Variants in ZNF787 observed in about 807,000 individuals in gnomAD.
ZNF787 encodes the protein TTF-I-interacting peptide 20.
Under a neutral mutation model 16.9 loss-of-function variants are expected in ZNF787, and 7 were observed. That is an observed-to-expected ratio of 0.42 (90% CI 0.24 to 0.78). The LOEUF is 0.78. Among genes scored for constraint, ZNF787 ranks in the 30% least tolerant of loss-of-function variants. The pLI is 0.30. For missense variants in ZNF787, 551 were observed against 589.3 expected, an observed-to-expected ratio of 0.94 and a Z score of 0.67; for synonymous variants, 345 against 270.9, an observed-to-expected ratio of 1.27 and a Z score of -2.69.
rs536339818 is a variant in ZNF787 at position 56,092,381 on chromosome 19, T to TG, written c.80-3290dup. Among the ~76,000 whole-genome samples the TG allele has an allele frequency of 2.3e-3, 344 of 152,180 alleles. 1 individual carries two copies. Among genetic ancestry groups the TG allele is most frequent in the Non-Finnish European group, 3.8e-3 (258 of 67,992 alleles). Reference sequence around the variant, plus strand: ...CAGCTGAGGTCCCGAGGGGATGGGCTGGGGGGCGGTCCTCCACTCCAGATC... The same window carrying TG: ...CAGCTGAGGTCCCGAGGGGATGGGCTGGGGGGGCGGTCCTCCACTCCAGATC... On this transcript the variant is annotated intron_variant, in intron 2 of 2. Transcript: ENST00000610935.
chr19:56,087,811 G>C lies in ZNF787; in HGVS notation c.*212C>G. On this transcript the variant is annotated 3_prime_UTR_variant, in exon 3 of 3. Coordinates refer to ENST00000610935, the MANE Select transcript of ZNF787 (RefSeq NM_001002836.4). ...CTTAGGAAGGGCGGGCCAGGCTGAG[G>C]GGGCAGAGTCTCGAGGCGGAGAAGT... The C allele has an allele frequency of 5.3e-6, 4 of 748,830 alleles. No homozygotes were observed. Among genetic ancestry groups the C allele is most frequent in the Non-Finnish European group, 7.2e-6 (4 of 553,884 alleles). The allele number at this position is 748,830 out of a possible 1,614,324, so 46.4% of individuals were successfully genotyped here. A position where few individuals can be genotyped will look rare whatever the true frequency, so the allele number is the denominator to read the frequency against.
intron 1 of ZNF787, among the ~76,000 whole-genome samples, chr19:56,118,489 C>T (rs542746206): frequency 1.3e-5 from 2 of 152,300 alleles, no homozygotes; most frequent in South Asian, 2.1e-4. Context: ...GCTCTGGAAT[C>T]GCAGTAGACA....
chr19:56,095,342 T>C (rs566996029), intron 2 of ZNF787, among the ~76,000 whole-genome samples: 1 of 152,352 alleles, frequency 6.6e-6, no homozygotes, highest in South Asian at 2.1e-4. Flanking sequence ...CTTGATCTTG[T>C]TGGGATGCAC....
At chr19:56,103,035 G>A in intron 2 of ZNF787, 104 bp downstream of exon 2, 1 of 1,338,504 alleles carries the variant, frequency 7.5e-7, no homozygotes. Context: ...AGGGCCCCAA[G>A]AGGGGAAAAC....
At chr19:56,115,330 G>A (rs529760159) in intron 1 of ZNF787, among the ~76,000 whole-genome samples, 2 of 151,750 alleles carry the variant, frequency 1.3e-5, no homozygotes, top group African/African-American at 2.4e-5. Flanking sequence ...TCTAGAGGCC[G>A]GCCGCGGCAC....
intron 1 of ZNF787, among the ~76,000 whole-genome samples, chr19:56,108,262 C>A: frequency 6.7e-6 from 1 of 150,148 alleles, no homozygotes; most frequent in East Asian, 2.0e-4. Context: ...CTGCCCAGCA[C>A]TCCCTGGCTC....
rs1001550900 is a variant in ZNF787 at position 56,103,088 on chromosome 19, G to C, written c.79+51C>G. 2.5e-6 allele frequency: 4 copies of C among 1,592,728 alleles called. No individual in the cohort carries two copies. In the Admixed American group the frequency reaches 5.0e-5, roughly 20 times the overall value. On this transcript the variant is annotated intron_variant, in intron 2 of 2. Coordinates refer to ENST00000610935, the MANE Select transcript of ZNF787 (RefSeq NM_001002836.4). ...TCCCACCCAGAGGCAAAGGAAGCCAGGGTCAGGTGGGAGGCAGCGGGGTCG... is the reference window on the plus strand; with the variant it reads ...TCCCACCCAGAGGCAAAGGAAGCCACGGTCAGGTGGGAGGCAGCGGGGTCG...
intron 1 of ZNF787, among the ~76,000 whole-genome samples, chr19:56,110,928 T>G (rs997749230): frequency 1.3e-5 from 2 of 152,174 alleles, no homozygotes; most frequent in Non-Finnish European, 2.9e-5. Flanking sequence ...CCTGCTGTGG[T>G]TATAGCTGGG....
At chr19:56,098,997 G>A (rs1343654830) in intron 2 of ZNF787, among the ~76,000 whole-genome samples, 2 of 152,200 alleles carry the variant, frequency 1.3e-5, no homozygotes, top group Non-Finnish European at 2.9e-5. Context: ...GTGTGGCCAG[G>A]ACGTCACAGC....
intron 2 of ZNF787, among the ~76,000 whole-genome samples, chr19:56,096,772 C>G (rs1017163152): frequency 6.6e-6 from 1 of 152,062 alleles, no homozygotes; most frequent in Non-Finnish European, 1.5e-5. Flanking sequence ...TGAGGGTGCA[C>G]TGAAACATGG....
intron 1 of ZNF787, among the ~76,000 whole-genome samples, chr19:56,112,384 G>A (rs2030005248): frequency 6.6e-6 from 1 of 152,310 alleles, no homozygotes; most frequent in Admixed American, 6.5e-5. Flanking sequence ...GACCTCCGCT[G>A]CAGAGAGGAA....
At chr19:56,092,351 G>T (rs1459100058) in intron 2 of ZNF787, among the ~76,000 whole-genome samples, 1 of 152,106 alleles carries the variant, frequency 6.6e-6, no homozygotes, top group African/African-American at 2.4e-5. Flanking sequence ...TCTCACTGAA[G>T]GACTCAGCTG....
At chr19:56,089,881 C>A (rs973523435) in intron 2 of ZNF787, among the ~76,000 whole-genome samples, 1 of 152,140 alleles carries the variant, frequency 6.6e-6, no homozygotes, top group Non-Finnish European at 1.5e-5. Flanking sequence ...GGGGCTCTCC[C>A]GGGAGGGATG....
Position 56,088,230 on chromosome 19 carries a change from C to T in ZNF787, c.942G>A (p.Glu314=). The change falls in exon 3 of 3, where the codon GAG becomes GAA. Residue 314 remains glutamate, a synonymous_variant. Coordinates refer to ENST00000610935, the MANE Select transcript of ZNF787 (RefSeq NM_001002836.4). The surrounding 1 kb of genome is among the most constrained non-coding windows in gnomAD (Gnocchi z 8.6). Reference sequence around the variant, plus strand: ...CGCACTCCACGCAGATGTGGGCCGGCTCCTCGCCCCCCGCCGCCCCGAGCC... The same window carrying T: ...CGCACTCCACGCAGATGTGGGCCGGTTCCTCGCCCCCCGCCGCCCCGAGCC... The part of the protein sequence containing the change: ...GDGLGAAGGE[E]PAHICVECGE... The T allele has an allele frequency of 6.0e-6, 9 of 1,497,242 alleles. No individual in the cohort carries two copies. Among genetic ancestry groups the T allele is most frequent in the Non-Finnish European group, 7.1e-6 (8 of 1,128,774 alleles). 92.7% of individuals were successfully genotyped at this position (1,497,242 alleles called of 1,614,324 possible).
Position 56,088,963 on chromosome 19 carries a change from T to C in ZNF787, c.209A>G (p.Glu70Gly). ...CCAGTGGCTAAAGCTCTTGCCACAC[T>C]CGTTGCAGATGTAGGGGGCGGGCGG... ...PRPPAPYICN[E>G]CGKSFSHWSK... The change falls in exon 3 of 3, where the codon GAG becomes GGG. Residue 70 changes from glutamate to glycine, a missense_variant. Glu to Gly is a moderately conservative substitution (Grantham distance 98). Coordinates refer to ENST00000610935, the MANE Select transcript of ZNF787 (RefSeq NM_001002836.4). This position sits in a 1 kb window ranked among gnomAD's most constrained non-coding sequence, Gnocchi z 8.6. 6.5e-7 allele frequency: 1 copy of C among 1,542,498 alleles called. No homozygotes were observed. The highest frequency in any genetic ancestry group is 1.2e-5 in the South Asian group (1 of 81,206).
At chr19:56,102,851 T>C (rs866575787) in intron 2 of ZNF787, 3 of 695,912 alleles carry the variant, frequency 4.3e-6, no homozygotes, top group Non-Finnish European at 7.9e-6. Flanking sequence ...CAGACGGGGG[T>C]GCTGCCCAGG....
At chr19:56,112,478 T>C (rs2030008922) in intron 1 of ZNF787, among the ~76,000 whole-genome samples, 1 of 152,070 alleles carries the variant, frequency 6.6e-6, no homozygotes, top group Non-Finnish European at 1.5e-5. Flanking sequence ...TTATTATTGT[T>C]GTTATTAAGT....
chr19:56,105,705 C>T (rs1164243300), intron 1 of ZNF787, among the ~76,000 whole-genome samples: 1 of 152,106 alleles, frequency 6.6e-6, no homozygotes, highest in South Asian at 2.1e-4. Flanking sequence ...CACCCCAGGG[C>T]CCACACTTCT....
intron 2 of ZNF787, among the ~76,000 whole-genome samples, chr19:56,089,554 G>A (rs868074769): frequency 1.8e-4 from 27 of 152,316 alleles, no homozygotes; most frequent in Middle Eastern, 6.8e-3. Context: ...GAGCCAGGGA[G>A]TGGGTTTGGC....
Sources: allele counts gnomAD v4.1 joint callset (sites outside exome capture counted in the v4.1 genomes callset), GRCh38; gene constraint gnomAD v4.1.1; non-coding constraint Gnocchi (gnomAD v3.1); transcripts MANE v1.5; gene names NCBI Gene and HGNC (gene_info 2026-07-23, HGNC 2026-07-21).